Variants in MAN1B1 observed in about 807,000 individuals in gnomAD.
MAN1B1 encodes mannosidase alpha class 1B member 1.
Under a neutral mutation model 75.5 loss-of-function variants are expected in MAN1B1, and 66 were observed. That is an observed-to-expected ratio of 0.87 (90% CI 0.72 to 1.07). The LOEUF (loss-of-function observed/expected upper bound fraction) is 1.07, where lower values mean the gene tolerates loss of function less well. Among genes scored for constraint, MAN1B1 ranks in the 50% least tolerant of loss-of-function variants. MAN1B1 has a pLI of 0.00. For synonymous variants in MAN1B1, 453 were observed against 382.8 expected, an observed-to-expected ratio of 1.18 and a Z score of -2.14; for missense variants, 973 against 912.5, an observed-to-expected ratio of 1.07 and a Z score of -0.85.
intron 3 of MAN1B1, among the ~76,000 whole-genome samples, chr9:137,090,516 C>T (rs1830487352): frequency 1.3e-5 from 2 of 151,460 alleles, no homozygotes; most frequent in Non-Finnish European, 2.9e-5. Flanking sequence ...GCTTGGGCCA[C>T]CCTCAGACTG....
chr9:137,103,745 C>T (rs1189569731), intron 8 of MAN1B1: 17 of 446,720 alleles, frequency 3.8e-5, no homozygotes, highest in South Asian at 9.5e-5. Context: ...CTGTTGCAGG[C>T]GTGCAGGTCG....
In MAN1B1 at chr9:137,106,122, C is replaced by T; in HGVS notation, c.1255-3C>T. The T allele has an allele frequency of 1.9e-6, 3 of 1,612,180 alleles. No individual in the cohort carries two copies. Among genetic ancestry groups the T allele is most frequent in the African/African-American group, 1.3e-5 (1 of 75,040 alleles). On this transcript the variant is annotated splice_region_variant and splice_polypyrimidine_tract_variant and intron_variant, in intron 8 of 12. Coordinates refer to ENST00000371589, the MANE Select transcript of MAN1B1 (RefSeq NM_016219.5). ...AAACCCACCATCCCCCTTTCTGCCGCAGGAGGCAGTGGAGAAGGTGACACA... is the reference window on the plus strand; with the variant it reads ...AAACCCACCATCCCCCTTTCTGCCGTAGGAGGCAGTGGAGAAGGTGACACA...
intron 2 of MAN1B1, 104 bp downstream of exon 2, chr9:137,088,287 C>T (rs1830429179): frequency 6.2e-7 from 1 of 1,611,152 alleles, no homozygotes; most frequent in Non-Finnish European, 8.5e-7. Context: ...GCATATATGG[C>T]AACGAATTGG....
Position 137,108,917 on chromosome 9 carries a change from T to C in MAN1B1, c.*326T>C. On this transcript the variant is annotated 3_prime_UTR_variant, in exon 13 of 13. Coordinates refer to ENST00000371589, the MANE Select transcript of MAN1B1 (RefSeq NM_016219.5). ...GGGGCTTCGAGGTGGTCCCTGGTAC[T>C]GGGGTGACCGAGTGGACAGCCCAGG... is the stretch of plus-strand genomic sequence containing the variant. 1 of 510,992 alleles carries C rather than the reference T, an allele frequency of 2.0e-6. No homozygotes were observed. Among genetic ancestry groups the C allele is most frequent in the Non-Finnish European group, 3.8e-6 (1 of 263,366 alleles). The allele number at this position is 510,992 out of a possible 1,614,324, so 31.7% of individuals were successfully genotyped here. A position where few individuals can be genotyped will look rare whatever the true frequency, so the allele number is the denominator to read the frequency against.
rs1431017979 is a variant in MAN1B1 at position 137,106,214 on chromosome 9, C to T, written c.1344C>T (p.Gly448=). 4.3e-6 allele frequency: 7 copies of T among 1,610,042 alleles called. No individual in the cohort carries two copies. The highest frequency in any genetic ancestry group is 1.7e-5 in the Admixed American group (1 of 59,560). The part of the protein sequence containing the change: ...LVPMFINTHS[G]LFTHLGVFTL... ...CCATGTTCATCAATACCCACAGTGG[C>T]CTCTTCACCCACCTGGGCGTATTCA... is the stretch of plus-strand genomic sequence containing the variant. The change falls in exon 9 of 13, where the codon GGC becomes GGT. Residue 448 remains glycine (G), a synonymous_variant. Transcript: ENST00000371589.
chr9:137,108,622 G>A lies in MAN1B1; in HGVS notation c.*31G>A, dbSNP rs908659785. ...ATGGCTGCTGGTGTGGGGACTTCGGGTGGGCAGAGGCACCTTGCTGGGTCT... is the reference window on the plus strand; with the variant it reads ...ATGGCTGCTGGTGTGGGGACTTCGGATGGGCAGAGGCACCTTGCTGGGTCT... On this transcript the variant is annotated 3_prime_UTR_variant, in exon 13 of 13. Transcript: ENST00000371589. 6 of 1,603,450 alleles carry A rather than the reference G, an allele frequency of 3.7e-6. No individual in the cohort carries two copies. The African/African-American group carries it at 6.7e-5, about 18-fold the overall frequency.
intron 3 of MAN1B1, among the ~76,000 whole-genome samples, chr9:137,095,204 C>G (rs930042943): frequency 1.3e-5 from 2 of 151,906 alleles, no homozygotes; most frequent in African/African-American, 2.4e-5. Flanking sequence ...CAGGCGTGCG[C>G]CACCACGCCT....
At chr9:137,097,054 C>T (rs921819776) in intron 4 of MAN1B1, among the ~76,000 whole-genome samples, 1 of 152,204 alleles carries the variant, frequency 6.6e-6, no homozygotes, top group African/African-American at 2.4e-5. Context: ...GGCCCAGAGG[C>T]CCTGAACTCA....
intron 3 of MAN1B1, among the ~76,000 whole-genome samples, chr9:137,094,999 C>A (rs966666136): frequency 1.3e-4 from 19 of 151,224 alleles, no homozygotes; most frequent in African/African-American, 4.4e-4. Flanking sequence ...ACCAGCCTGG[C>A]AAACATGGTA....
intron 3 of MAN1B1, among the ~76,000 whole-genome samples, chr9:137,092,899 G>T (rs373348870): frequency 6.6e-6 from 1 of 152,184 alleles, no homozygotes; most frequent in Admixed American, 6.5e-5. Context: ...GAAGCTGTCC[G>T]TGTCCTTTGA....
Position 137,108,433 on chromosome 9 carries a change from CA to C in MAN1B1, c.1943del (p.Gln648ArgfsTer80). On this transcript the variant is annotated frameshift_variant, in exon 13 of 13. Transcript: ENST00000371589. LOFTEE classifies it high-confidence loss of function. ...TTCCATCAACAATGTCCAGGATCCT[CA>C]GAAGCCCGAGCCTAGGGACAAGATG... ...YSSINNVQDPQKPEPRDKMES... is the reference protein window; with the variant it reads ...YSSINNVQDPXKPEPRDKMES... 1 of 1,613,872 alleles carries C rather than the reference CA, an allele frequency of 6.2e-7. No homozygotes were observed. Among genetic ancestry groups the C allele is most frequent in the Admixed American group, 1.7e-5 (1 of 60,024 alleles).
chr9:137,097,980 G>C, intron 5 of MAN1B1, 43 bp downstream of exon 5: 1 of 1,453,964 alleles, frequency 6.9e-7, no homozygotes, highest in Middle Eastern at 1.9e-4. Context: ...GCGCTCAGGG[G>C]CTGGTGGCTG....
At position 137,107,516 on chromosome 9, in the gene MAN1B1, C is replaced by G; in HGVS notation, c.1765-15C>G. On this transcript the variant is annotated splice_polypyrimidine_tract_variant and intron_variant, in intron 11 of 12. Coordinates refer to ENST00000371589, the MANE Select transcript of MAN1B1 (RefSeq NM_016219.5). Reference sequence around the variant, plus strand: ...GGCAGGGCTGGCCTTGCCCTGAGCTCTGCTCCGCCCACAGCCAGCAGACAG... The same window carrying G: ...GGCAGGGCTGGCCTTGCCCTGAGCTGTGCTCCGCCCACAGCCAGCAGACAG... The G allele has an allele frequency of 6.2e-7, 1 of 1,612,992 alleles. No homozygotes were observed. The highest frequency in any genetic ancestry group is 8.5e-7 in the Non-Finnish European group (1 of 1,179,986).
chr9:137,091,467 G>C (rs1454009584), intron 3 of MAN1B1, among the ~76,000 whole-genome samples: 1 of 151,114 alleles, frequency 6.6e-6, no homozygotes, highest in African/African-American at 2.4e-5. Context: ...GTTTAGGCCA[G>C]ATCCCTTTCT....
intron 12 of MAN1B1, 150 bp from the exon 13 acceptor site, chr9:137,108,238 C>G (rs537025315): frequency 7.1e-6 from 5 of 706,512 alleles, no homozygotes; most frequent in Non-Finnish European, 1.2e-5. Context: ...CCACACGGCT[C>G]GCCTGGGGGT....
chr9:137,106,421 C>CT, intron 9 of MAN1B1, 106 bp downstream of exon 9: 1 of 1,147,560 alleles, frequency 8.7e-7, no homozygotes, highest in Non-Finnish European at 1.2e-6. Context: ...CTGCCCCCCG[C>CT]CACACTGTGT....
chr9:137,102,136 G>C (rs544779903), intron 8 of MAN1B1: 1 of 448,882 alleles, frequency 2.2e-6, no homozygotes, highest in East Asian at 7.2e-5. Context: ...CGCTGTTGCA[G>C]GCGTGCAGGT....
At chr9:137,089,863 GT>G (rs895878247) in intron 3 of MAN1B1, among the ~76,000 whole-genome samples, 1 of 152,114 alleles carries the variant, frequency 6.6e-6, no homozygotes, top group African/African-American at 2.4e-5. Context: ...GAGGAGCTCC[GT>G]TTTGGATCTG....
At position 137,088,997 on chromosome 9, in the gene MAN1B1, T is replaced by G; in HGVS notation, c.457T>G (p.Ser153Ala). ...CGACCCTGAGAACTTACCTGAGATT[T>G]CGTCACAGGTACTTTGAGCAAATGG... ...DTDPENLPEISSQKTQRHIQR... is the reference protein window; with the variant it reads ...DTDPENLPEIASQKTQRHIQR... Residue 153 changes from serine to alanine, a missense_variant, in exon 3 of 13, where the codon TCG (serine) becomes GCG (alanine). By Grantham distance (99) the Ser-to-Ala change is moderately conservative. Transcript: ENST00000371589. 2 of 1,613,980 alleles carry G rather than the reference T, an allele frequency of 1.2e-6. No homozygotes were observed. The highest frequency in any genetic ancestry group is 1.7e-6 in the Non-Finnish European group (2 of 1,180,008).
Sources: gnomAD v4.1 joint callset for allele counts (sites outside exome capture counted in the v4.1 genomes callset) on GRCh38, gnomAD v4.1.1 for gene constraint, MANE v1.5 for transcripts, NCBI Gene and HGNC (gene_info 2026-07-23, HGNC 2026-07-21) for gene names.